REEP3: variants seen among roughly 807,000 people sequenced by gnomAD.
REEP3 encodes receptor expression-enhancing protein 3.
In REEP3, 20 loss-of-function variants were observed where a neutral mutation model predicts 41.3. The observed-to-expected ratio is 0.48, with a 90% CI of 0.34 to 0.70. The LOEUF (loss-of-function observed/expected upper bound fraction) is 0.70, where lower values mean the gene tolerates loss of function less well. Among genes scored for constraint, REEP3 ranks in the 30% least tolerant of loss-of-function variants. The pLI, the probability that REEP3 is intolerant of heterozygous loss-of-function variation, is 0.01. For synonymous variants in REEP3, 104 were observed against 101.8 expected (o/e 1.02, Z -0.13); for missense variants, 271 against 308.8 (o/e 0.88, Z 0.92).
chr10:63,541,884 A>G (rs996272674), intron 1 of REEP3, among the ~76,000 whole-genome samples: 2 of 152,234 alleles, frequency 1.3e-5, no homozygotes, highest in Non-Finnish European at 2.9e-5. Context: ...AATTGTTTTT[A>G]TGAAATTATA....
intron 6 of REEP3, 55 bp from the exon 7 acceptor site, chr10:63,619,600 C>T (rs761316932): frequency 1.7e-4 from 253 of 1,514,432 alleles, no homozygotes; most frequent in Non-Finnish European, 2.1e-4. Flanking sequence ...GTCAAAGAGC[C>T]GGCGCTGACT....
In REEP3 at chr10:63,606,704, T is replaced by C. The variant is rs77268858; in HGVS notation, c.418-3483T>C. Among the ~76,000 whole-genome samples the C allele has an allele frequency of 0.02, 3,002 of 152,280 alleles. 129 individuals carry two copies. The East Asian group carries it at 0.2, about 10-fold the overall frequency. The stretch of plus-strand genomic sequence containing the variant: ...AATGTTCTATTTGTGGCCTCAAAAA[T>C]AGACATTTTTATTTTATTGATGGGA... On this transcript the variant is annotated intron_variant, in intron 5 of 7. Coordinates refer to ENST00000373758, the MANE Select transcript of REEP3 (RefSeq NM_001001330.3).
intron 2 of REEP3, among the ~76,000 whole-genome samples, chr10:63,586,060 A>G (rs942930330): frequency 6.6e-6 from 1 of 152,192 alleles, no homozygotes; most frequent in African/African-American, 2.4e-5. Flanking sequence ...CTAACTCTTC[A>G]TTTGGCATTA....
At chr10:63,526,013 G>T (rs1955361027) in intron 1 of REEP3, among the ~76,000 whole-genome samples, 1 of 152,168 alleles carries the variant, frequency 6.6e-6, no homozygotes, top group African/African-American at 2.4e-5. Flanking sequence ...TTCAGTAAAT[G>T]CTAGTAGTAG....
At chr10:63,578,745 C>T (rs896684972) in intron 2 of REEP3, among the ~76,000 whole-genome samples, 6 of 152,078 alleles carry the variant, frequency 3.9e-5, no homozygotes, top group Non-Finnish European at 7.4e-5. Flanking sequence ...CCACTGCACT[C>T]CACCATGGGC....
chr10:63,524,586 G>T (rs1340675379), intron 1 of REEP3, among the ~76,000 whole-genome samples: 1 of 151,992 alleles, frequency 6.6e-6, no homozygotes, highest in Admixed American at 6.6e-5. Context: ...TGGGACTATA[G>T]GTGCACGCCA....
intron 2 of REEP3, among the ~76,000 whole-genome samples, chr10:63,571,566 G>A: frequency 6.6e-6 from 1 of 152,142 alleles, no homozygotes; most frequent in East Asian, 1.9e-4. Flanking sequence ...TGATTACATT[G>A]GGCCCACCTG....
chr10:63,536,927 C>T (rs928698193), intron 1 of REEP3, among the ~76,000 whole-genome samples: 3 of 152,182 alleles, frequency 2.0e-5, no homozygotes, highest in Non-Finnish European at 2.9e-5. Flanking sequence ...GATGCTGGAA[C>T]TGCTTTGGAA....
At position 63,619,678 on chromosome 10, in the gene REEP3, G is replaced by T; in HGVS notation, c.589G>T (p.Gly197Ter). ...SAGYGIPLKD[G>*]DEKTDEEAEG... ...AGGTTATGGAATTCCACTGAAAGAC[G>T]GAGATGAGAAAACAGATGAAGAAGC... The change falls in exon 7 of 8, where the codon GGA becomes TGA. Residue 197 changes from glycine (G) to a stop codon, truncating the protein, a stop_gained. Transcript: ENST00000373758. LOFTEE classifies it high-confidence loss of function. The T allele has an allele frequency of 6.2e-7, 1 of 1,603,608 alleles. No homozygotes were observed. Among genetic ancestry groups the T allele is most frequent in the Non-Finnish European group, 8.5e-7 (1 of 1,174,830 alleles).
intron 5 of REEP3, among the ~76,000 whole-genome samples, chr10:63,599,502 T>C (rs1956151911): frequency 6.6e-6 from 1 of 152,242 alleles, no homozygotes; most frequent in South Asian, 2.1e-4. Context: ...CGTTAATAAA[T>C]AATACATACC....
At chr10:63,523,020 CAA>C (rs35537600) in intron 1 of REEP3, among the ~76,000 whole-genome samples, 105 of 117,914 alleles carry the variant, frequency 8.9e-4, no homozygotes, top group Middle Eastern at 4.3e-3. Flanking sequence ...CTGTACTTTA[CAA>C]AAAAAAAAAA....
rs74137774 is a variant in REEP3, at chr10:63,620,991, T to G, written c.*122T>G. 12,376 of 558,290 alleles carry G rather than the reference T, an allele frequency of 0.022. 176 individuals are homozygous for G. Among genetic ancestry groups the G allele is most frequent in the African/African-American group, 0.032 (1,642 of 51,990 alleles). The allele number at this position is 558,290 out of a possible 1,614,324, so 34.6% of individuals were successfully genotyped here. A position where few individuals can be genotyped will look rare whatever the true frequency, so the allele number is the denominator to read the frequency against. ...ATTTAAATTGTGGCAGTGATGGGGT[T>G]TACTTTCATGAATTTAAATTGTTTT... is the stretch of plus-strand genomic sequence containing the variant. On this transcript the variant is annotated 3_prime_UTR_variant, in exon 8 of 8. Coordinates refer to ENST00000373758, the MANE Select transcript of REEP3 (RefSeq NM_001001330.3).
intron 6 of REEP3, among the ~76,000 whole-genome samples, chr10:63,618,287 C>G (rs1183421034): frequency 1.4e-5 from 2 of 139,730 alleles, no homozygotes; most frequent in Non-Finnish European, 3.0e-5. Context: ...GCTCTGTCAC[C>G]CAGGCTGGAG....
rs1474762977 is a variant in REEP3 at position 63,521,534 on chromosome 10, G to GC, written c.-7dup. 1 of 1,417,124 alleles carries GC rather than the reference G, an allele frequency of 7.1e-7. No homozygotes were observed. Among genetic ancestry groups the GC allele is most frequent in the Non-Finnish European group, 9.3e-7 (1 of 1,073,206 alleles). The allele number at this position is 1,417,124 out of a possible 1,614,324, so 87.8% of individuals were successfully genotyped here. On this transcript the variant is annotated 5_prime_UTR_variant, in exon 1 of 8. Transcript: ENST00000373758. Reference sequence around the variant, plus strand: ...CACCCGCCCCGGACGTGGGGCCCAAGCCCCCGTGAAGATGGTGTCCTGGAT... The same window carrying GC: ...CACCCGCCCCGGACGTGGGGCCCAAGCCCCCCGTGAAGATGGTGTCCTGGAT...
chr10:63,596,372 T>G (rs1168347718), intron 3 of REEP3, among the ~76,000 whole-genome samples: 22 of 152,046 alleles, frequency 1.4e-4, no homozygotes, highest in Admixed American at 1.4e-3. Context: ...CATTTTTTTC[T>G]GATTGCAAAT....
chr10:63,564,943 G>A (rs1955782871), intron 1 of REEP3, among the ~76,000 whole-genome samples: 1 of 152,208 alleles, frequency 6.6e-6, no homozygotes. Flanking sequence ...GAACGTCAAT[G>A]TGTGATGCAA....
At position 63,601,153 on chromosome 10, in the gene REEP3, CA is replaced by C. The variant is rs896375615; in HGVS notation, c.417+1879del. Among the ~76,000 whole-genome samples, 10 of 144,608 alleles carry C rather than the reference CA, an allele frequency of 6.9e-5. 1 individual carries two copies. Among genetic ancestry groups the C allele is most frequent in the African/African-American group, 1.8e-4 (7 of 39,092 alleles). The allele number at this position is 144,608 out of a possible 152,430, so 94.9% of individuals were successfully genotyped here. A position where few individuals can be genotyped will look rare whatever the true frequency, so the allele number is the denominator to read the frequency against. ...TGGGTGACAGAGCGAGACTCCATCT[CA>C]AAAAAAAAGCATGTCACATTTAAAT... On this transcript the variant is annotated intron_variant, in intron 5 of 7. Coordinates refer to ENST00000373758, the MANE Select transcript of REEP3 (RefSeq NM_001001330.3).
chr10:63,571,888 AT>A (rs1394716361), intron 2 of REEP3, among the ~76,000 whole-genome samples: 1 of 152,192 alleles, frequency 6.6e-6, no homozygotes, highest in African/African-American at 2.4e-5. Context: ...TGTTTCTAGT[AT>A]TTTATTCATT....
chr10:63,538,781 A>G (rs963408233), intron 1 of REEP3, among the ~76,000 whole-genome samples: 2 of 152,178 alleles, frequency 1.3e-5, no homozygotes, highest in South Asian at 4.1e-4. Context: ...ACATTATTAA[A>G]TGGTGAATTT....
Sources: gnomAD v4.1 joint callset for allele counts (sites outside exome capture counted in the v4.1 genomes callset) on GRCh38, gnomAD v4.1.1 for gene constraint, MANE v1.5 for transcripts, NCBI Gene and HGNC (gene_info 2026-07-23, HGNC 2026-07-21) for gene names.